Variants in FOXK1 observed in about 807,000 individuals in gnomAD.
FOXK1 encodes forkhead box K1, also known as forkhead box protein K1.
FOXK1 carries 19 observed loss-of-function variants against 51.9 expected under a neutral mutation model. The ratio of observed to expected loss-of-function variants is 0.37; its 90% CI spans 0.26 to 0.54. FOXK1 has a LOEUF of 0.54. Ranked by LOEUF, FOXK1 falls within the 20% of genes least tolerant of loss-of-function variation. The pLI is 0.87. For missense variants in FOXK1, 870 were observed against 1,032.7 expected (o/e 0.84, Z 2.16); for synonymous variants, 537 against 482.6 (o/e 1.11, Z -1.48).
chr7:4,699,438 G>A (rs1209896651), intron 1 of FOXK1, among the ~76,000 whole-genome samples: 1 of 150,974 alleles, frequency 6.6e-6, no homozygotes, highest in Non-Finnish European at 1.5e-5. Context: ...ACACGATCTC[G>A]GCTCACTGCA....
At chr7:4,717,515 C>CTGGCTGGGAGGCACG (rs1239966102) in intron 1 of FOXK1, among the ~76,000 whole-genome samples, 2 of 137,614 alleles carry the variant, frequency 1.5e-5, no homozygotes, top group African/African-American at 5.5e-5. Context: ...TGGGAGGTGC[C>CTGGCTGGGAGGCACG]TGGCTGGGAG....
intron 7 of FOXK1, among the ~76,000 whole-genome samples, chr7:4,760,578 C>T (rs781191685): frequency 6.6e-6 from 1 of 152,186 alleles, no homozygotes; most frequent in East Asian, 1.9e-4. Context: ...AGGCCGGGCG[C>T]GGTGGCTCAC....
chr7:4,712,699 C>A (rs752115719), intron 1 of FOXK1, among the ~76,000 whole-genome samples: 10 of 152,142 alleles, frequency 6.6e-5, no homozygotes, highest in African/African-American at 9.7e-5. Context: ...GTTTCCGATC[C>A]TCTTACCTCG....
Position 4,722,039 on chromosome 7 carries a change from G to A in FOXK1, c.561-18799G>A, listed in dbSNP as rs755614047. On this transcript the variant is annotated intron_variant, in intron 1 of 8. Coordinates refer to ENST00000328914, the MANE Select transcript of FOXK1 (RefSeq NM_001037165.2). The surrounding 1 kb of genome is among the most constrained non-coding windows in gnomAD (Gnocchi z 5.1). ...CAGCCGGGGTGAGACTGGTGACCCC[G>A]CTGCATCCCATACCCTCCACCCATC... Among the ~76,000 whole-genome samples, 30 of 152,180 alleles carry A rather than the reference G, an allele frequency of 2.0e-4. No homozygotes were observed. Among genetic ancestry groups the A allele is most frequent in the Non-Finnish European group, 3.4e-4 (23 of 68,044 alleles).
Position 4,747,260 on chromosome 7 carries a change from G to A in FOXK1, c.746+6237G>A, listed in dbSNP as rs1276725096. ...TGCGGGCATGTTACGCACGAGGACA[G>A]CCCTTTCCGGGTTCCATGAGCCTCA... On this transcript the variant is annotated intron_variant, in intron 2 of 8. Coordinates refer to ENST00000328914, the MANE Select transcript of FOXK1 (RefSeq NM_001037165.2). This position sits in a 1 kb window ranked among gnomAD's most constrained non-coding sequence, Gnocchi z 9.2. Among the ~76,000 whole-genome samples the A allele has an allele frequency of 1.3e-5, 2 of 151,336 alleles. No individual in the cohort carries two copies. Among genetic ancestry groups the A allele is most frequent in the East Asian group, 3.9e-4 (2 of 5,168 alleles).
chr7:4,709,626 A>C lies in FOXK1; in HGVS notation c.560+26758A>C, dbSNP rs533796880. 2.0e-5 allele frequency among the ~76,000 whole-genome samples: 3 copies of C among 152,314 alleles called. No individual in the cohort carries two copies. The highest frequency in any genetic ancestry group is 7.2e-5 in the African/African-American group (3 of 41,556). ...AAAAGGGGAGGTTGCAGAAGATTTTAACTTTGTTAAAATCATGAACTGGTT... is the reference window on the plus strand; with the variant it reads ...AAAAGGGGAGGTTGCAGAAGATTTTCACTTTGTTAAAATCATGAACTGGTT... On this transcript the variant is annotated intron_variant, in intron 1 of 8. Transcript: ENST00000328914. This position sits in a 1 kb window ranked among gnomAD's most constrained non-coding sequence, Gnocchi z 5.6.
chr7:4,717,260 G>A (rs1263320836), intron 1 of FOXK1, among the ~76,000 whole-genome samples: 27 of 147,712 alleles, frequency 1.8e-4, no homozygotes, highest in Non-Finnish European at 3.3e-4. Context: ...AGGTGGTGGC[G>A]GGAGGCATAT....
intron 1 of FOXK1, among the ~76,000 whole-genome samples, chr7:4,714,508 C>G (rs2115043267): frequency 6.6e-6 from 1 of 152,340 alleles, no homozygotes; most frequent in East Asian, 1.9e-4. Context: ...CTCCTGAGCT[C>G]AAGCTATCCG....
In FOXK1 at chr7:4,756,261, C is replaced by T. The variant is rs1199475071; in HGVS notation, c.1051-733C>T. On this transcript the variant is annotated intron_variant, in intron 4 of 8. Transcript: ENST00000328914. This position sits in a 1 kb window ranked among gnomAD's most constrained non-coding sequence, Gnocchi z 4.1. ...TCCCAAGTAGCTGGGGCTACAGGTG[C>T]CCACCACCACACCTGGCTATTTTTT... Among the ~76,000 whole-genome samples the T allele has an allele frequency of 2.0e-5, 3 of 152,080 alleles. No individual in the cohort carries two copies. The South Asian group carries it at 6.2e-4, about 31-fold the overall frequency.
intron 1 of FOXK1, among the ~76,000 whole-genome samples, chr7:4,737,226 A>G (rs1445040625): frequency 6.6e-6 from 1 of 152,192 alleles, no homozygotes; most frequent in Non-Finnish European, 1.5e-5. Flanking sequence ...ATCCCATATT[A>G]ACATAGGGAC....
rs1447908828 is a variant in FOXK1, at chr7:4,747,738, C to CA, written c.746+6716dup. On this transcript the variant is annotated intron_variant, in intron 2 of 8. Coordinates refer to ENST00000328914, the MANE Select transcript of FOXK1 (RefSeq NM_001037165.2). The surrounding 1 kb of genome is among the most constrained non-coding windows in gnomAD (Gnocchi z 9.2). Reference sequence around the variant, plus strand: ...ATTTTCGTTGAGATGGTGTCTTGCCCAGGCTGGTCCTGAACTCCTGGCCTC... The same window carrying CA: ...ATTTTCGTTGAGATGGTGTCTTGCCCAAGGCTGGTCCTGAACTCCTGGCCTC... 6.6e-6 allele frequency among the ~76,000 whole-genome samples: 1 copy of CA among 152,080 alleles called. No individual in the cohort carries two copies. Among genetic ancestry groups the CA allele is most frequent in the Non-Finnish European group, 1.5e-5 (1 of 68,014 alleles).
chr7:4,697,740 GC>G (rs1779971160), intron 1 of FOXK1, among the ~76,000 whole-genome samples: 1 of 98,682 alleles, frequency 1.0e-5, no homozygotes, highest in Non-Finnish European at 2.0e-5. Flanking sequence ...GGAAAGATAG[GC>G]TGTGTGTGTG....
chr7:4,734,587 G>A lies in FOXK1; in HGVS notation c.561-6251G>A, dbSNP rs139022409. Among the ~76,000 whole-genome samples the A allele has an allele frequency of 1.2e-4, 18 of 152,346 alleles. No individual in the cohort carries two copies. The highest frequency in any genetic ancestry group is 1.0e-3 in the South Asian group (5 of 4,830). ...CCACCCCCCCGCTGCCCAAGTGTGC[G>A]TGGGCATCGGTGCACGGGGCTCCCT... On this transcript the variant is annotated intron_variant, in intron 1 of 8. Coordinates refer to ENST00000328914, the MANE Select transcript of FOXK1 (RefSeq NM_001037165.2). This position sits in a 1 kb window ranked among gnomAD's most constrained non-coding sequence, Gnocchi z 5.2.
At position 4,682,972 on chromosome 7, in the gene FOXK1, AC is replaced by A; in HGVS notation, c.560+109del. ...TCCCCCTCCAGCTTCCTCGGCCTCG[AC>A]CCCCACCCCCCGGCCCACCCCCGGT... On this transcript the variant is annotated intron_variant, in intron 1 of 8. Coordinates refer to ENST00000328914, the MANE Select transcript of FOXK1 (RefSeq NM_001037165.2). The surrounding 1 kb of genome is among the most constrained non-coding windows in gnomAD (Gnocchi z 7.6). 3 of 1,093,890 alleles carry A rather than the reference AC, an allele frequency of 2.7e-6. No homozygotes were observed. The highest frequency in any genetic ancestry group is 3.5e-6 in the Non-Finnish European group (3 of 850,014). The allele number at this position is 1,093,890 out of a possible 1,614,324, so 67.8% of individuals were successfully genotyped here.
At chr7:4,726,637 G>A (rs144663618) in intron 1 of FOXK1, among the ~76,000 whole-genome samples, 17 of 149,554 alleles carry the variant, frequency 1.1e-4, no homozygotes, top group African/African-American at 3.7e-4. Context: ...AAAAAAAACC[G>A]TGCCTGGGCC....
intron 1 of FOXK1, among the ~76,000 whole-genome samples, chr7:4,713,142 T>C (rs1780194853): frequency 6.6e-6 from 1 of 152,244 alleles, no homozygotes; most frequent in Non-Finnish European, 1.5e-5. Context: ...TTTCCTGCCC[T>C]ATTAATTTGC....
rs923920547 is a variant in FOXK1 at position 4,733,170 on chromosome 7, C to G, written c.561-7668C>G. Among the ~76,000 whole-genome samples, 11 of 151,874 alleles carry G rather than the reference C, an allele frequency of 7.2e-5. No individual in the cohort carries two copies. ...GAGGGCCAAGTTTGTTTCTTTTATA[C>G]GTGACGGTCTTTTTTTTTTTAATTT... On this transcript the variant is annotated intron_variant, in intron 1 of 8. Transcript: ENST00000328914. This position sits in a 1 kb window ranked among gnomAD's most constrained non-coding sequence, Gnocchi z 5.0.
chr7:4,695,240 G>C (rs1261010511), intron 1 of FOXK1, among the ~76,000 whole-genome samples: 1 of 152,198 alleles, frequency 6.6e-6, no homozygotes, highest in Non-Finnish European at 1.5e-5. Context: ...ACCTCCCTCG[G>C]GTTGGAGTCC....
chr7:4,687,122 C>A (rs991493554), intron 1 of FOXK1, among the ~76,000 whole-genome samples: 1 of 151,746 alleles, frequency 6.6e-6, no homozygotes, highest in African/African-American at 2.4e-5. Flanking sequence ...TTAGTAGAGA[C>A]GGGGTTTCAC....
Sources: gnomAD v4.1 joint callset for allele counts (sites outside exome capture counted in the v4.1 genomes callset) on GRCh38, gnomAD v4.1.1 for gene constraint, Gnocchi (gnomAD v3.1) non-coding constraint, MANE v1.5 for transcripts, NCBI Gene and HGNC (gene_info 2026-07-23, HGNC 2026-07-21) for gene names.